The following ANKRD11 variants were observed in gnomAD, a reference collection of about 807,000 sequenced individuals.
The protein encoded by ANKRD11 is ankyrin repeat domain 11.
Under a neutral mutation model 195.7 loss-of-function variants are expected in ANKRD11, and 17 were observed. That is an observed-to-expected ratio of 0.09 (90% CI 0.06 to 0.13). ANKRD11 has a LOEUF of 0.13. Among genes scored for constraint, ANKRD11 ranks in the 10% least tolerant of loss-of-function variants. ANKRD11 has a pLI of 1.00. For synonymous variants in ANKRD11, 1,953 were observed against 1,528.1 expected, an observed-to-expected ratio of 1.28 and a Z score of -6.49; for missense variants, 3,735 against 3,566.1, an observed-to-expected ratio of 1.05 and a Z score of -1.21.
intron 1 of ANKRD11, among the ~76,000 whole-genome samples, chr16:89,465,450 G>A (rs1397180456): frequency 6.6e-6 from 1 of 152,152 alleles, no homozygotes; most frequent in African/African-American, 2.4e-5. Context: ...AACAGGGGCA[G>A]CACACTCTTG....
chr16:89,269,665 G>A (rs1234518159), intron 12 of ANKRD11, among the ~76,000 whole-genome samples: 1 of 152,016 alleles, frequency 6.6e-6, no homozygotes, highest in Non-Finnish European at 1.5e-5. Context: ...GTGCAGTGGT[G>A]CAATCTTGGC....
chr16:89,388,424 C>A (rs2041024479), intron 2 of ANKRD11, among the ~76,000 whole-genome samples: 1 of 151,568 alleles, frequency 6.6e-6, no homozygotes. Flanking sequence ...GCCACCACGC[C>A]CAGCCTCCAT....
intron 1 of ANKRD11, among the ~76,000 whole-genome samples, chr16:89,489,998 C>T (rs1450889329): frequency 2.7e-5 from 3 of 110,616 alleles, no homozygotes; most frequent in Admixed American, 2.6e-4. Context: ...TCACGGCCAC[C>T]CCGGGCCCCC....
rs568102677 is a variant in ANKRD11, at chr16:89,405,416, T to C, written c.-60+12868A>G. On this transcript the variant is annotated intron_variant, in intron 2 of 12. Transcript: ENST00000301030. ...TGAGCTCACCGTAGCCTCGACCTCC[T>C]GGGCTCAGGCGATCCTCCCACCTCG... Among the ~76,000 whole-genome samples the C allele has an allele frequency of 9.9e-5, 15 of 151,646 alleles. No homozygotes were observed. The South Asian group carries it at 1.3e-3, about 13-fold the overall frequency.
chr16:89,351,217 T>C (rs961340302), intron 2 of ANKRD11, among the ~76,000 whole-genome samples: 13 of 152,218 alleles, frequency 8.5e-5, no homozygotes, highest in Non-Finnish European at 4.4e-5. Context: ...GTGGTGGGCA[T>C]GGGCGAGGGG....
intron 2 of ANKRD11, chr16:89,372,770 T>C (rs1489429539): frequency 6.6e-6 from 1 of 152,082 alleles, no homozygotes; most frequent in African/African-American, 2.4e-5. Context: ...CTGAAGATAT[T>C]CCCCACGCAA....
In ANKRD11 at chr16:89,282,116, G is replaced by A. The variant is rs1224940452; in HGVS notation, c.4426C>T (p.His1476Tyr). The A allele has an allele frequency of 1.9e-6, 3 of 1,613,868 alleles. 1 individual carries two copies. The highest frequency in any genetic ancestry group is 2.2e-5 in the South Asian group (2 of 91,074). Residue 1476 changes from histidine to tyrosine, a missense_variant, in exon 9 of 13, where the codon CAC becomes TAC. Transcript: ENST00000301030. The stretch of plus-strand genomic sequence containing the variant: ...AGCCCATCCGCATGCCTGTCCCGGT[G>A]CCTCTCCTTCTCGTCTCTCCATTTC... ...REKWRDEKER[H>Y]RDRHADGLLR...
chr16:89,426,742 G>A (rs1259884323), intron 1 of ANKRD11, among the ~76,000 whole-genome samples: 1 of 152,204 alleles, frequency 6.6e-6, no homozygotes, highest in Non-Finnish European at 1.5e-5. Flanking sequence ...TGATCTACTT[G>A]TCTTGAGCTC....
rs541671170 is a variant in ANKRD11, at chr16:89,295,746, C to T, written c.227-4563G>A. ...TGCAGGTGGGATGGGGGGGATGTGA[C>T]GCGCCTGGGGGTGCCCTGTGCTGGT... is the stretch of plus-strand genomic sequence containing the variant. On this transcript the variant is annotated intron_variant, in intron 4 of 12. Transcript: ENST00000301030. Among the ~76,000 whole-genome samples the T allele has an allele frequency of 8.9e-5, 13 of 145,920 alleles. No individual in the cohort carries two copies. In the South Asian group the frequency reaches 1.5e-3, roughly 17 times the overall value.
At chr16:89,311,870 A>C (rs1282981628) in intron 3 of ANKRD11, among the ~76,000 whole-genome samples, 2 of 152,136 alleles carry the variant, frequency 1.3e-5, no homozygotes, top group Non-Finnish European at 2.9e-5. Context: ...TCTAATAATG[A>C]AAATCAGGAA....
intron 1 of ANKRD11, among the ~76,000 whole-genome samples, chr16:89,484,282 T>A (rs867223900): frequency 6.6e-6 from 1 of 152,238 alleles, no homozygotes; most frequent in Non-Finnish European, 1.5e-5. Context: ...TGGTGGATAC[T>A]AACAAAGCTT....
At chr16:89,286,958 G>C in intron 7 of ANKRD11, 1 of 1,289,746 alleles carries the variant, frequency 7.8e-7, no homozygotes, top group Non-Finnish European at 1.0e-6. Context: ...TCAGTTTCCA[G>C]TTCGTGTGTG....
chr16:89,467,844 G>A (rs1057425910), intron 1 of ANKRD11, among the ~76,000 whole-genome samples: 4 of 152,074 alleles, frequency 2.6e-5, no homozygotes, highest in East Asian at 1.9e-4. Flanking sequence ...TCTGTTGCCC[G>A]GGCTCAAGTG....
intron 1 of ANKRD11, among the ~76,000 whole-genome samples, chr16:89,474,427 G>A (rs1489612993): frequency 1.3e-5 from 2 of 151,326 alleles, no homozygotes; most frequent in Non-Finnish European, 2.9e-5. Context: ...GACCAGCCTG[G>A]GCAACATGGT....
chr16:89,337,313 C>T (rs866264195), intron 2 of ANKRD11, among the ~76,000 whole-genome samples: 6 of 152,162 alleles, frequency 3.9e-5, no homozygotes, highest in Admixed American at 6.5e-5. Flanking sequence ...CGGAATCCTC[C>T]GCCACGTGAC....
At chr16:89,365,659 C>T (rs761602644) in intron 2 of ANKRD11, among the ~76,000 whole-genome samples, 2 of 152,128 alleles carry the variant, frequency 1.3e-5, no homozygotes, top group African/African-American at 2.4e-5. Context: ...GGCCTTTTAC[C>T]GCAATTCTTC....
intron 2 of ANKRD11, among the ~76,000 whole-genome samples, chr16:89,385,232 C>T (rs1392305765): frequency 6.6e-6 from 1 of 151,588 alleles, no homozygotes; most frequent in Non-Finnish European, 1.5e-5. Flanking sequence ...CTCTGTCACC[C>T]AGGCTGGAGT....
At chr16:89,340,633 C>A (rs1256923738) in intron 2 of ANKRD11, among the ~76,000 whole-genome samples, 1 of 152,210 alleles carries the variant, frequency 6.6e-6, no homozygotes, top group East Asian at 1.9e-4. Context: ...GTACTTTGCA[C>A]ATCATCTTTT....
chr16:89,462,103 CTT>C (rs1415495372), intron 1 of ANKRD11, among the ~76,000 whole-genome samples: 2 of 151,060 alleles, frequency 1.3e-5, no homozygotes, highest in African/African-American at 4.9e-5. Context: ...CTCTCCCTCT[CTT>C]TCCACGGTCT....
Sources: gnomAD v4.1 joint callset for allele counts (sites outside exome capture counted in the v4.1 genomes callset) on GRCh38, gnomAD v4.1.1 for gene constraint, MANE v1.5 for transcripts, NCBI Gene and HGNC (gene_info 2026-07-23, HGNC 2026-07-21) for gene names.